PKP4: variants seen among roughly 807,000 people sequenced by gnomAD.
PKP4 encodes the protein plakophilin 4, also known as plakophilin-4.
Under a neutral mutation model 145.1 loss-of-function variants are expected in PKP4, and 90 were observed. The observed-to-expected ratio is 0.62, with a 90% CI of 0.52 to 0.74. The LOEUF is 0.74. Among genes scored for constraint, PKP4 ranks in the 30% least tolerant of loss-of-function variants. The probability of loss-of-function intolerance (pLI) is 0.00; values close to 1 mark genes in which losing one functional copy is unlikely to be tolerated. For synonymous variants in PKP4, 563 were observed against 577.2 expected (o/e 0.98, Z 0.35); for missense variants, 1,340 against 1,482.7 (o/e 0.90, Z 1.58).
chr2:158,508,103 T>A (rs1184725821), intron 1 of PKP4, among the ~76,000 whole-genome samples: 2 of 151,876 alleles, frequency 1.3e-5, no homozygotes, highest in African/African-American at 4.8e-5. Context: ...ACGCCTGTAA[T>A]CTCAGCACTT....
chr2:158,580,518 T>A (rs181005620), intron 3 of PKP4, among the ~76,000 whole-genome samples: 2 of 152,212 alleles, frequency 1.3e-5, no homozygotes, highest in Non-Finnish European at 2.9e-5. Flanking sequence ...ATTGGAAAGG[T>A]GAAGCTGGCA....
At chr2:158,651,335 T>C (rs1010962243) in intron 11 of PKP4, among the ~76,000 whole-genome samples, 5 of 152,152 alleles carry the variant, frequency 3.3e-5, no homozygotes, top group Non-Finnish European at 5.9e-5. Flanking sequence ...AGTTTGCATC[T>C]GGCTCCAAAT....
chr2:158,460,447 A>G (rs984126825), intron 1 of PKP4, among the ~76,000 whole-genome samples: 2 of 152,172 alleles, frequency 1.3e-5, no homozygotes, highest in African/African-American at 4.8e-5. Flanking sequence ...ATTTTTGAAA[A>G]TGCAATTATT....
At chr2:158,633,052 A>G (rs1469154248) in intron 8 of PKP4, among the ~76,000 whole-genome samples, 1 of 152,188 alleles carries the variant, frequency 6.6e-6, no homozygotes, top group Non-Finnish European at 1.5e-5. Context: ...TAGCTGTAGA[A>G]TCATTTGATA....
intron 2 of PKP4, among the ~76,000 whole-genome samples, chr2:158,576,980 C>G (rs549846982): frequency 1.3e-5 from 2 of 152,194 alleles, no homozygotes; most frequent in East Asian, 3.9e-4. Flanking sequence ...TAGTAAGGCA[C>G]TGTAGCAGAA....
chr2:158,546,840 A>T (rs770599046), intron 2 of PKP4, among the ~76,000 whole-genome samples: 4 of 152,172 alleles, frequency 2.6e-5, no homozygotes, highest in Non-Finnish European at 5.9e-5. Context: ...CTTCACAGAG[A>T]GGCTACAGTA....
intron 11 of PKP4, among the ~76,000 whole-genome samples, chr2:158,655,061 A>C (rs1221677965): frequency 1.3e-5 from 2 of 152,250 alleles, no homozygotes; most frequent in African/African-American, 4.8e-5. Flanking sequence ...AAATATTTAA[A>C]AGGGAAAGTT....
intron 1 of PKP4, among the ~76,000 whole-genome samples, chr2:158,524,117 A>G (rs1344787841): frequency 2.0e-5 from 1 of 49,520 alleles, no homozygotes; most frequent in Non-Finnish European, 3.8e-5. Context: ...GTTCAGATTC[A>G]GGAAATACAG....
At chr2:158,529,509 G>GT (rs2043318292) in intron 1 of PKP4, among the ~76,000 whole-genome samples, 1 of 152,132 alleles carries the variant, frequency 6.6e-6, no homozygotes, top group East Asian at 1.9e-4. Context: ...ATCATCTCTT[G>GT]AATGGATACA....
intron 1 of PKP4, among the ~76,000 whole-genome samples, chr2:158,496,724 C>T (rs973577732): frequency 4.6e-5 from 7 of 151,678 alleles, no homozygotes; most frequent in Admixed American, 3.9e-4. Flanking sequence ...GTCAGTGTCT[C>T]TCTTTCGCTC....
chr2:158,508,366 C>CAAAAAAAAAAAAAA (rs747754927), intron 1 of PKP4, among the ~76,000 whole-genome samples: 1 of 115,888 alleles, frequency 8.6e-6, no homozygotes, highest in Non-Finnish European at 1.8e-5. Context: ...AACTCCGTCT[C>CAAAAAAAAAAAAAA]AAAAAAAAAA....
intron 11 of PKP4, among the ~76,000 whole-genome samples, chr2:158,656,116 T>A (rs1045146139): frequency 6.6e-6 from 1 of 152,204 alleles, no homozygotes; most frequent in Non-Finnish European, 1.5e-5. Context: ...ATAGATAATA[T>A]GAAGCTGCTC....
intron 11 of PKP4, among the ~76,000 whole-genome samples, chr2:158,645,794 G>T (rs1285533181): frequency 6.6e-6 from 1 of 152,198 alleles, no homozygotes; most frequent in Non-Finnish European, 1.5e-5. Flanking sequence ...CCTTTCCTGA[G>T]CTGAGCTCAA....
At chr2:158,496,342 T>C (rs1695710387) in intron 1 of PKP4, among the ~76,000 whole-genome samples, 1 of 152,158 alleles carries the variant, frequency 6.6e-6, no homozygotes, top group African/African-American at 2.4e-5. Flanking sequence ...AAATGCCATG[T>C]TATATTTTCT....
At chr2:158,627,803 C>T (rs999808554) in intron 7 of PKP4, among the ~76,000 whole-genome samples, 2 of 151,314 alleles carry the variant, frequency 1.3e-5, no homozygotes, top group East Asian at 1.9e-4. Context: ...ATGGAATCAC[C>T]GTAATAATAG....
At chr2:158,498,960 T>A (rs1231556714) in intron 1 of PKP4, among the ~76,000 whole-genome samples, 3 of 152,136 alleles carry the variant, frequency 2.0e-5, no homozygotes, top group African/African-American at 7.2e-5. Flanking sequence ...AGAACTCCTG[T>A]GCTCACCTAA....
At chr2:158,467,573 C>T (rs894861728) in intron 1 of PKP4, among the ~76,000 whole-genome samples, 3 of 149,518 alleles carry the variant, frequency 2.0e-5, no homozygotes, top group Non-Finnish European at 4.4e-5. Context: ...AATGTGGGCA[C>T]GGTGGCTCGC....
At chr2:158,568,999 G>A (rs988244032) in intron 2 of PKP4, among the ~76,000 whole-genome samples, 12 of 151,962 alleles carry the variant, frequency 7.9e-5, no homozygotes, top group Admixed American at 3.3e-4. Flanking sequence ...GTGTGGGTGG[G>A]GTATGTAGGA....
At chr2:158,648,863 G>A (rs1172270691) in intron 11 of PKP4, among the ~76,000 whole-genome samples, 2 of 150,104 alleles carry the variant, frequency 1.3e-5, no homozygotes, top group African/African-American at 2.4e-5. Context: ...GCCAGGTGTG[G>A]TGGCACATGC....
Sources: allele counts gnomAD v4.1 joint callset (sites outside exome capture counted in the v4.1 genomes callset), GRCh38; gene constraint gnomAD v4.1.1; transcripts MANE v1.5; gene names NCBI Gene and HGNC (gene_info 2026-07-23, HGNC 2026-07-21).